CELF5: variants seen among roughly 807,000 people sequenced by gnomAD.
CELF5 encodes the protein CUG-BP and ETR-3 like factor 5.
CELF5 carries 6 observed loss-of-function variants against 54.9 expected under a neutral mutation model. That is an observed-to-expected ratio of 0.11 (90% CI 0.06 to 0.22). The LOEUF is 0.22. CELF5 is among the 10% of genes least tolerant of loss of function. CELF5 has a pLI of 1.00. For missense variants in CELF5, 401 were observed against 678.6 expected (o/e 0.59, Z 4.54); for synonymous variants, 271 against 290.9 (o/e 0.93, Z 0.70).
chr19:3,264,208 C>T (rs949872035), intron 2 of CELF5, among the ~76,000 whole-genome samples: 1 of 150,638 alleles, frequency 6.6e-6, no homozygotes, highest in African/African-American at 2.4e-5. Flanking sequence ...CAGGAGCTTG[C>T]GACCAGCCTG....
intron 2 of CELF5, among the ~76,000 whole-genome samples, chr19:3,256,208 T>C (rs10401648): frequency 0.32 from 48,592 of 151,864 alleles, 8,028 homozygotes; most frequent in East Asian, 0.54. Context: ...CCCTAAAGTA[T>C]TCGTGGGTAA....
intron 8 of CELF5, chr19:3,284,671 GGA>G: frequency 1.7e-6 from 1 of 574,024 alleles, no homozygotes; most frequent in South Asian, 2.0e-5. Context: ...ATCTCTCTCT[GGA>G]GTCCGAGAAA....
intron 1 of CELF5, 56 bp from the exon 2 acceptor site, chr19:3,250,929 C>A: frequency 7.5e-7 from 1 of 1,332,002 alleles, no homozygotes; most frequent in East Asian, 2.3e-5. Flanking sequence ...GGTGGTGCTG[C>A]TGTGACCATG....
intron 2 of CELF5, among the ~76,000 whole-genome samples, chr19:3,260,913 C>T (rs1339533502): frequency 1.3e-5 from 2 of 151,422 alleles, no homozygotes; most frequent in Non-Finnish European, 2.9e-5. Context: ...TGAGCCACTG[C>T]GCCTGGCCAC....
rs979641198 is a variant in CELF5, at chr19:3,224,702, CCCGCCGCCG to C, written c.-28_-20del. On this transcript the variant is annotated 5_prime_UTR_variant, in exon 1 of 13. Transcript: ENST00000292672. The stretch of plus-strand genomic sequence containing the variant: ...GCTCCAGCTGCGAGTCCGCCCGCCG[CCCGCCGCCG>C]CCGCCGCCGGCTCGGTCCCGCGCCC... 2 of 1,008,762 alleles carry C rather than the reference CCCGCCGCCG, an allele frequency of 2.0e-6. No individual in the cohort carries two copies. The highest frequency in any genetic ancestry group is 2.4e-6 in the Non-Finnish European group (2 of 844,454). The allele number at this position is 1,008,762 out of a possible 1,614,324, so 62.5% of individuals were successfully genotyped here. A position where few individuals can be genotyped will look rare whatever the true frequency, so the allele number is the denominator to read the frequency against.
At chr19:3,245,875 AC>A (rs1221478362) in intron 1 of CELF5, among the ~76,000 whole-genome samples, 1 of 152,236 alleles carries the variant, frequency 6.6e-6, no homozygotes, top group Non-Finnish European at 1.5e-5. Flanking sequence ...TCAATGAAAT[AC>A]AACTGCACGC....
At chr19:3,258,848 C>T (rs111903975) in intron 2 of CELF5, among the ~76,000 whole-genome samples, 1,759 of 152,078 alleles carry the variant, frequency 0.012, 18 homozygotes, top group Middle Eastern at 0.027. Flanking sequence ...TGGGCTCAAG[C>T]GATCCTCCCG....
chr19:3,284,811 T>G, intron 8 of CELF5, 91 bp from the exon 9 acceptor site: 2 of 1,114,998 alleles, frequency 1.8e-6, no homozygotes, highest in Non-Finnish European at 2.7e-6. Flanking sequence ...GGGCGGGGTG[T>G]TTGTTGCTGT....
In CELF5 at chr19:3,285,914, G is replaced by A. The variant is rs1445234053; in HGVS notation, c.1103-28G>A. 1.1e-5 allele frequency: 15 copies of A among 1,417,140 alleles called. No individual in the cohort carries two copies. The East Asian group carries it at 3.4e-4, about 32-fold the overall frequency. The allele number at this position is 1,417,140 out of a possible 1,614,324, so 87.8% of individuals were successfully genotyped here. ...CCCACGTGGCCTCACGCCCCTCCTCGCCCTGTGTCTCGCTCCGGTCTCCGC... is the reference window on the plus strand; with the variant it reads ...CCCACGTGGCCTCACGCCCCTCCTCACCCTGTGTCTCGCTCCGGTCTCCGC... On this transcript the variant is annotated intron_variant, in intron 9 of 12. Coordinates refer to ENST00000292672, the MANE Select transcript of CELF5 (RefSeq NM_021938.4).
chr19:3,242,114 G>A (rs1016680249), intron 1 of CELF5, among the ~76,000 whole-genome samples: 13 of 152,176 alleles, frequency 8.5e-5, no homozygotes, highest in African/African-American at 3.1e-4. Flanking sequence ...AGGGAAGCAG[G>A]TACGGCAAGA....
chr19:3,234,266 T>C (rs58946252), intron 1 of CELF5, among the ~76,000 whole-genome samples: 2,652 of 151,952 alleles, frequency 0.017, 83 homozygotes, highest in African/African-American at 0.06. Context: ...TCTCTCTCTC[T>C]CCCTCCCTCT....
At chr19:3,260,319 G>C (rs569396720) in intron 2 of CELF5, among the ~76,000 whole-genome samples, 1 of 152,228 alleles carries the variant, frequency 6.6e-6, no homozygotes, top group Admixed American at 6.5e-5. Context: ...GTTTCGCCAT[G>C]TTGGCCAGGC....
intron 4 of CELF5, 149 bp downstream of exon 4, chr19:3,276,133 G>A (rs1416348726): frequency 2.4e-5 from 11 of 454,402 alleles, no homozygotes; most frequent in Non-Finnish European, 4.1e-5. Context: ...CAGGGGTGGA[G>A]TCTGTGGGTG....
intron 2 of CELF5, chr19:3,270,750 G>C (rs953701078): frequency 3.3e-5 from 5 of 152,054 alleles, no homozygotes. Flanking sequence ...GGAGAGGAGG[G>C]GGCTACCCAA....
At chr19:3,231,166 T>G (rs1254205612) in intron 1 of CELF5, among the ~76,000 whole-genome samples, 2 of 152,196 alleles carry the variant, frequency 1.3e-5, no homozygotes, top group Non-Finnish European at 2.9e-5. Context: ...ATAGTCAACA[T>G]CAGTGATATG....
chr19:3,296,717 T>A (rs1260177240), intron 12 of CELF5, 41 bp from the exon 13 acceptor site: 1 of 152,144 alleles, frequency 6.6e-6, no homozygotes, highest in Non-Finnish European at 1.5e-5. Context: ...CTGGTCCATG[T>A]TTACTGGCTG....
Position 3,281,561 on chromosome 19 carries a change from G to C in CELF5, c.750+216G>C, listed in dbSNP as rs561841272. ...TCACAGTAACACCCAATCTTGGACCGAGCCCCAGAACCTGGCTATGCTCCA... is the reference window on the plus strand; with the variant it reads ...TCACAGTAACACCCAATCTTGGACCCAGCCCCAGAACCTGGCTATGCTCCA... On this transcript the variant is annotated intron_variant, in intron 6 of 12. Coordinates refer to ENST00000292672, the MANE Select transcript of CELF5 (RefSeq NM_021938.4). This position sits in a 1 kb window ranked among gnomAD's most constrained non-coding sequence, Gnocchi z 6.5. 6.6e-6 allele frequency among the ~76,000 whole-genome samples: 1 copy of C among 152,082 alleles called. No individual in the cohort carries two copies. The highest frequency in any genetic ancestry group is 1.9e-4 in the East Asian group (1 of 5,194).
intron 2 of CELF5, among the ~76,000 whole-genome samples, chr19:3,263,805 TGAA>T (rs58182567): frequency 0.027 from 4,079 of 151,490 alleles, 178 homozygotes; most frequent in African/African-American, 0.095. Context: ...CTCAGGAGGC[TGAA>T]GAAGGAGAAT....
intron 4 of CELF5, among the ~76,000 whole-genome samples, chr19:3,277,137 A>G (rs2080069166): frequency 1.3e-5 from 2 of 152,064 alleles, no homozygotes; most frequent in Admixed American, 6.6e-5. Flanking sequence ...CCTTACTAGA[A>G]CTGAATGTGT....
Sources: gnomAD v4.1 joint callset for allele counts (sites outside exome capture counted in the v4.1 genomes callset) on GRCh38, gnomAD v4.1.1 for gene constraint, Gnocchi (gnomAD v3.1) non-coding constraint, MANE v1.5 for transcripts, NCBI Gene and HGNC (gene_info 2026-07-23, HGNC 2026-07-21) for gene names.